DOCK7: variants seen among roughly 807,000 people sequenced by gnomAD.
DOCK7 encodes the protein dedicator of cytokinesis protein 7.
Under a neutral mutation model 271.0 loss-of-function variants are expected in DOCK7, and 138 were observed. The ratio of observed to expected loss-of-function variants is 0.51; its 90% CI spans 0.44 to 0.59. The LOEUF is 0.59. Among genes scored for constraint, DOCK7 ranks in the 20% least tolerant of loss-of-function variants. The pLI is 0.00. For missense variants in DOCK7, 2,066 were observed against 2,592.4 expected, an observed-to-expected ratio of 0.80 and a Z score of 4.41; for synonymous variants, 823 against 876.1, an observed-to-expected ratio of 0.94 and a Z score of 1.07.
intron 18 of DOCK7, among the ~76,000 whole-genome samples, chr1:62,568,516 G>A (rs1274157808): frequency 4.1e-5 from 6 of 145,230 alleles, no homozygotes; most frequent in African/African-American, 1.5e-4. Flanking sequence ...TGTTGGCCAG[G>A]CTGGTCTCAA....
chr1:62,532,898 C>T (rs1382500314), intron 29 of DOCK7, among the ~76,000 whole-genome samples: 1 of 152,112 alleles, frequency 6.6e-6, no homozygotes, highest in Non-Finnish European at 1.5e-5. Context: ...AGACAAGAGC[C>T]AGATACACAG....
chr1:62,476,596 T>C (rs1268076019), intron 44 of DOCK7, among the ~76,000 whole-genome samples: 1 of 152,210 alleles, frequency 6.6e-6, no homozygotes, highest in African/African-American at 2.4e-5. Flanking sequence ...GAACTATTTT[T>C]TTAATCCCAG....
chr1:62,626,963 T>A (rs1654031497), intron 11 of DOCK7, among the ~76,000 whole-genome samples: 1 of 152,060 alleles, frequency 6.6e-6, no homozygotes, highest in African/African-American at 2.4e-5. Context: ...CTAATATACC[T>A]TATGAATATA....
intron 31 of DOCK7, among the ~76,000 whole-genome samples, chr1:62,524,206 ATC>A (rs1644933471): frequency 6.6e-6 from 1 of 152,196 alleles, no homozygotes. Context: ...AAATTTAAAA[ATC>A]TGACAATTCT....
chr1:62,686,131 A>G (rs116475209), intron 1 of DOCK7, among the ~76,000 whole-genome samples: 1 of 151,142 alleles, frequency 6.6e-6, no homozygotes, highest in African/African-American at 2.5e-5. Context: ...GAGAAATTAA[A>G]ACTAGGAATA....
chr1:62,612,768 C>G (rs748655942), intron 14 of DOCK7, among the ~76,000 whole-genome samples: 1 of 152,152 alleles, frequency 6.6e-6, no homozygotes, highest in Admixed American at 6.6e-5. Flanking sequence ...CTGACAGTTA[C>G]CAGGTCTGAA....
chr1:62,641,339 T>C (rs1655998591), intron 7 of DOCK7: 1 of 408,450 alleles, frequency 2.4e-6, no homozygotes, highest in Non-Finnish European at 4.8e-6. Context: ...TCTCACAGGC[T>C]TCAGGCACAC....
chr1:62,543,837 G>A (rs1379093621), intron 23 of DOCK7, 92 bp from the exon 24 acceptor site: 2 of 859,490 alleles, frequency 2.3e-6, no homozygotes, highest in Admixed American at 2.3e-5. Context: ...GTTTAAAACA[G>A]AGTTTTATTA....
intron 18 of DOCK7, among the ~76,000 whole-genome samples, chr1:62,577,058 G>GAAATTT (rs969807184): frequency 6.6e-6 from 1 of 152,034 alleles, no homozygotes; most frequent in Non-Finnish European, 1.5e-5. Flanking sequence ...CATTTAAAAT[G>GAAATTT]AAATTTAAAT....
At chr1:62,524,650 C>A (rs188596768) in intron 31 of DOCK7, among the ~76,000 whole-genome samples, 27 of 152,028 alleles carry the variant, frequency 1.8e-4, no homozygotes, top group African/African-American at 5.8e-4. Flanking sequence ...ATGATCCCAG[C>A]ACTTTGGGAG....
At chr1:62,609,643 C>T (rs752737886) in intron 14 of DOCK7, 3 of 152,130 alleles carry the variant, frequency 2.0e-5, no homozygotes, top group African/African-American at 4.8e-5. Flanking sequence ...CAAACGCTTC[C>T]TAACTGAACA....
intron 18 of DOCK7, among the ~76,000 whole-genome samples, chr1:62,569,821 C>T (rs1183907572): frequency 6.7e-6 from 1 of 149,928 alleles, no homozygotes; most frequent in Admixed American, 6.7e-5. Flanking sequence ...TCAAGCAATT[C>T]TTCCACCTCA....
At chr1:62,605,118 A>G (rs1304983030) in intron 14 of DOCK7, 1 of 252,058 alleles carries the variant, frequency 4.0e-6, no homozygotes, top group Admixed American at 5.0e-5. Flanking sequence ...AACTTTTCTA[A>G]ATAAAAAATT....
At chr1:62,504,606 G>A (rs1646886746) in intron 37 of DOCK7, 24 bp downstream of exon 37, 2 of 1,600,486 alleles carry the variant, frequency 1.2e-6, no homozygotes, top group Non-Finnish European at 1.7e-6. Flanking sequence ...TGAATACAGA[G>A]AATTTTCATG....
Position 62,654,198 on chromosome 1 carries a change from A to C in DOCK7, c.145-39T>G, listed in dbSNP as rs186359143. The C allele has an allele frequency of 3.1e-4, 472 of 1,543,004 alleles. 2 individuals are homozygous for C. In the African/African-American group the frequency reaches 4.4e-3, roughly 14 times the overall value. ...TGGGATAAGAGATGGGTAGAAAACA[A>C]GAGGTGAATGTAATAATTTTAAAAC... is the stretch of plus-strand genomic sequence containing the variant. On this transcript the variant is annotated intron_variant, in intron 2 of 49. Transcript: ENST00000635253.
rs1657687129 is a variant in DOCK7, at chr1:62,654,018, A to C, written c.286T>G (p.Cys96Gly). Residue 96 changes from cysteine (C) to glycine (G), a missense_variant, in exon 3 of 50, where the codon TGC becomes GGC. Transcript: ENST00000635253. ...DIEVVYSPRDCRTLVSAVPEE... is the reference protein window; with the variant it reads ...DIEVVYSPRDGRTLVSAVPEE... ...GGTACAGCTGAAACAAGAGTTCTGC[A>C]GTCCCGAGGACTATAAACAACTTCA... 6.2e-7 allele frequency: 1 copy of C among 1,613,622 alleles called. No homozygotes were observed. Among genetic ancestry groups the C allele is most frequent in the Admixed American group, 1.7e-5 (1 of 59,916 alleles).
At chr1:62,459,430 G>C (rs1571167012) in intron 48 of DOCK7, among the ~76,000 whole-genome samples, 1 of 151,774 alleles carries the variant, frequency 6.6e-6, no homozygotes, top group Admixed American at 6.6e-5. Context: ...TAGTAGACAT[G>C]GAGTTTCTCC....
At chr1:62,600,129 A>G (rs1458531779) in intron 14 of DOCK7, among the ~76,000 whole-genome samples, 1 of 151,878 alleles carries the variant, frequency 6.6e-6, no homozygotes. Context: ...CTTTTCAATT[A>G]TATCTTTTAC....
At chr1:62,466,996 T>C (rs1053984533) in intron 48 of DOCK7, among the ~76,000 whole-genome samples, 6 of 152,046 alleles carry the variant, frequency 3.9e-5, no homozygotes, top group Non-Finnish European at 7.4e-5. Flanking sequence ...CATTCCTAAT[T>C]CAGCTTCTAG....
Sources: allele counts gnomAD v4.1 joint callset (sites outside exome capture counted in the v4.1 genomes callset), GRCh38; gene constraint gnomAD v4.1.1; transcripts MANE v1.5; gene names NCBI Gene and HGNC (gene_info 2026-07-23, HGNC 2026-07-21).